Variants in MBTPS1 observed in about 807,000 individuals in gnomAD.
The protein encoded by MBTPS1 is membrane-bound transcription factor site-1 protease.
Under a neutral mutation model 127.8 loss-of-function variants are expected in MBTPS1, and 94 were observed. That is an observed-to-expected ratio of 0.74 (90% CI 0.62 to 0.87). The LOEUF is 0.87. MBTPS1 is among the 40% of genes least tolerant of loss of function. MBTPS1 has a pLI of 0.00. For synonymous variants in MBTPS1, 632 were observed against 509.4 expected, an observed-to-expected ratio of 1.24 and a Z score of -3.24; for missense variants, 1,636 against 1,353.2, an observed-to-expected ratio of 1.21 and a Z score of -3.28.
intron 1 of MBTPS1, among the ~76,000 whole-genome samples, chr16:84,107,086 G>A (rs966349386): frequency 3.9e-5 from 6 of 152,144 alleles, no homozygotes; most frequent in African/African-American, 9.7e-5. Context: ...GCAGAATCCC[G>A]GGCAATCCAG....
intron 22 of MBTPS1, among the ~76,000 whole-genome samples, chr16:84,054,903 G>A (rs1187698180): frequency 1.3e-5 from 2 of 152,150 alleles, no homozygotes; most frequent in Admixed American, 6.5e-5. Context: ...TGGGATCCCC[G>A]CAGACGGATG....
intron 10 of MBTPS1, among the ~76,000 whole-genome samples, chr16:84,083,457 C>T (rs539546772): frequency 6.6e-6 from 1 of 150,974 alleles, no homozygotes. Flanking sequence ...GATATCTACC[C>T]CTTTTTTTTT....
chr16:84,095,685 G>T lies in MBTPS1; in HGVS notation c.542C>A (p.Ser181Ter). 1.9e-6 allele frequency: 3 copies of T among 1,614,236 alleles called. No individual in the cohort carries two copies. The highest frequency in any genetic ancestry group is 2.2e-5 in the East Asian group (1 of 44,888). ...GATGGCTCTCAGCAGCCGTCTGCTC[G>T]AATGCCTTCCCGTAGCATGCCAGAA... is the stretch of plus-strand genomic sequence containing the variant. Reference protein sequence around the residue: ...SGFWHATGRHSSRRLLRAIPR... With the variant: ...SGFWHATGRH Residue 181 changes from serine to a stop codon, truncating the protein, a stop_gained, in exon 4 of 23, where the codon TCG becomes TAG. Transcript: ENST00000343411. LOFTEE classifies it high-confidence loss of function.
intron 9 of MBTPS1, among the ~76,000 whole-genome samples, chr16:84,085,628 T>TA (rs1240750828): frequency 1.7e-5 from 2 of 119,856 alleles, no homozygotes; most frequent in Non-Finnish European, 3.3e-5. Context: ...ATACAGAAAA[T>TA]AAGCTTAAAC....
At chr16:84,059,560 G>T in intron 20 of MBTPS1, 132 bp from the exon 21 acceptor site, 1 of 797,234 alleles carries the variant, frequency 1.3e-6, no homozygotes, top group Non-Finnish European at 1.9e-6. Context: ...GCTCTATTAA[G>T]CTATCCTCCA....
At chr16:84,068,108 A>C (rs1283909217) in intron 15 of MBTPS1, among the ~76,000 whole-genome samples, 1 of 152,266 alleles carries the variant, frequency 6.6e-6, no homozygotes. Context: ...AACTTAAAGA[A>C]AAAAGAGTAC....
chr16:84,100,190 T>C lies in MBTPS1; in HGVS notation c.164-880A>G, dbSNP rs189487308. On this transcript the variant is annotated intron_variant, in intron 2 of 22. Coordinates refer to ENST00000343411, the MANE Select transcript of MBTPS1 (RefSeq NM_003791.4). The stretch of plus-strand genomic sequence containing the variant: ...ATTCTGGGAGGTCGAAGTGGATGGA[T>C]TGCTTGAGCTCAGGAGTTTAAGACC... Among the ~76,000 whole-genome samples the C allele has an allele frequency of 7.1e-4, 108 of 152,314 alleles. 1 individual carries two copies. Among genetic ancestry groups the C allele is most frequent in the Admixed American group, 5.5e-3 (84 of 15,300 alleles).
intron 22 of MBTPS1, among the ~76,000 whole-genome samples, chr16:84,055,714 G>A (rs1237974622): frequency 2.6e-5 from 4 of 152,220 alleles, no homozygotes; most frequent in African/African-American, 2.4e-5. Context: ...CATAAAGAGC[G>A]TGCAAGTTAC....
chr16:84,097,842 G>GTA (rs1265312337), intron 3 of MBTPS1, among the ~76,000 whole-genome samples: 2 of 146,576 alleles, frequency 1.4e-5, no homozygotes, highest in African/African-American at 5.3e-5. Context: ...CTCTTCGTGT[G>GTA]TGTGTGTGTG....
intron 1 of MBTPS1, among the ~76,000 whole-genome samples, chr16:84,116,378 T>C (rs1352890221): frequency 6.6e-6 from 1 of 152,200 alleles, no homozygotes; most frequent in Non-Finnish European, 1.5e-5. Flanking sequence ...AGGCAAAGAA[T>C]CGACGTCTTT....
At chr16:84,090,710 T>TC (rs1385025521) in intron 8 of MBTPS1, among the ~76,000 whole-genome samples, 165 bp downstream of exon 8, 2 of 152,206 alleles carry the variant, frequency 1.3e-5, no homozygotes, top group African/African-American at 2.4e-5. Context: ...ACCTGGGTGT[T>TC]CATCTACATC....
intron 1 of MBTPS1, among the ~76,000 whole-genome samples, chr16:84,113,294 T>A (rs1241115485): frequency 1.3e-5 from 2 of 152,202 alleles, no homozygotes; most frequent in Non-Finnish European, 2.9e-5. Context: ...TTCTATAAAT[T>A]CTTTATGCAG....
chr16:84,093,828 C>T lies in MBTPS1; in HGVS notation c.626-7G>A, dbSNP rs778532239. ...GCAACTCTTACATTAGCACCTTATT[C>T]GGAAAAGAAAGCAAACACAATTATG... On this transcript the variant is annotated splice_polypyrimidine_tract_variant and splice_region_variant and intron_variant, in intron 4 of 22. Transcript: ENST00000343411. 11 of 1,576,432 alleles carry T rather than the reference C, an allele frequency of 7.0e-6. No homozygotes were observed. Among genetic ancestry groups the T allele is most frequent in the South Asian group, 3.3e-5 (3 of 90,208 alleles).
chr16:84,093,277 C>T lies in MBTPS1; in HGVS notation c.757G>A (p.Val253Met), dbSNP rs754067434. Residue 253 changes from valine (V) to methionine (M), a missense_variant, in exon 6 of 23, where the codon GTG becomes ATG. By Grantham distance (21) the Val-to-Met change is conservative. Coordinates refer to ENST00000343411, the MANE Select transcript of MBTPS1 (RefSeq NM_003791.4). Reference protein sequence around the residue: ...LDDGLGHGTFVAGVIASMREC... With the variant: ...LDDGLGHGTFMAGVIASMREC... ...CTCATGCTGGCTATCACACCTGCCACGAATGTGCCATGGCCCAACCCTGCA... is the reference window on the plus strand; with the variant it reads ...CTCATGCTGGCTATCACACCTGCCATGAATGTGCCATGGCCCAACCCTGCA... The T allele has an allele frequency of 1.2e-5, 19 of 1,613,282 alleles. No homozygotes were observed. The highest frequency in any genetic ancestry group is 3.3e-5 in the Admixed American group (2 of 60,012).
chr16:84,087,515 A>C lies in MBTPS1; in HGVS notation c.1032-55T>G, dbSNP rs2151160214. 3 of 1,128,814 alleles carry C rather than the reference A, an allele frequency of 2.7e-6. No individual in the cohort carries two copies. The East Asian group carries it at 7.2e-5, about 27-fold the overall frequency. 69.9% of individuals were successfully genotyped at this position (1,128,814 alleles called of 1,614,324 possible). A position where few individuals can be genotyped will look rare whatever the true frequency, so the allele number is the denominator to read the frequency against. On this transcript the variant is annotated intron_variant, in intron 8 of 22. Transcript: ENST00000343411. ...AAAAGAAAAAGAAAAAAACAAGAGAAATAATTTAAAATGGATGATTCAAAC... is the reference window on the plus strand; with the variant it reads ...AAAAGAAAAAGAAAAAAACAAGAGACATAATTTAAAATGGATGATTCAAAC...
intron 22 of MBTPS1, among the ~76,000 whole-genome samples, chr16:84,055,148 G>A (rs2085503619): frequency 6.6e-6 from 1 of 152,360 alleles, no homozygotes; most frequent in South Asian, 2.1e-4. Context: ...AAAGCCAGGA[G>A]AGGCCATCAG....
At chr16:84,105,915 C>T (rs1253541490) in intron 1 of MBTPS1, among the ~76,000 whole-genome samples, 1 of 152,146 alleles carries the variant, frequency 6.6e-6, no homozygotes, top group Non-Finnish European at 1.5e-5. Flanking sequence ...CCTCACGGAG[C>T]TTACCTTCCA....
At chr16:84,089,116 G>C (rs939678857) in intron 8 of MBTPS1, among the ~76,000 whole-genome samples, 1 of 152,272 alleles carries the variant, frequency 6.6e-6, no homozygotes, top group Non-Finnish European at 1.5e-5. Flanking sequence ...ATGGCCAGGA[G>C]GATGGGCAGA....
In MBTPS1 at chr16:84,056,151, T is replaced by G; in HGVS notation, c.2832-16A>C. On this transcript the variant is annotated splice_polypyrimidine_tract_variant and intron_variant, in intron 21 of 22. Coordinates refer to ENST00000343411, the MANE Select transcript of MBTPS1 (RefSeq NM_003791.4). ...CCAAAGGTTACTTCAGGAAAATGGA[T>G]TAAAACAAAACAAAAATAAGCCATT... 1.9e-6 allele frequency: 3 copies of G among 1,611,164 alleles called. No homozygotes were observed. Among genetic ancestry groups the G allele is most frequent in the Non-Finnish European group, 2.5e-6 (3 of 1,177,496 alleles).
Sources: allele counts gnomAD v4.1 joint callset (sites outside exome capture counted in the v4.1 genomes callset), GRCh38; gene constraint gnomAD v4.1.1; transcripts MANE v1.5; gene names NCBI Gene and HGNC (gene_info 2026-07-23, HGNC 2026-07-21).